The following ODF2L variants were observed in gnomAD, a reference collection of about 807,000 sequenced individuals.
ODF2L encodes the protein protein BCAP.
In ODF2L, 76 loss-of-function variants were observed where a neutral mutation model predicts 86.3. The observed-to-expected ratio is 0.88, with a 90% confidence interval of 0.73 to 1.07. The LOEUF (loss-of-function observed/expected upper bound fraction) is 1.07, where lower values mean the gene tolerates loss of function less well. ODF2L is among the 50% of genes least tolerant of loss of function. ODF2L has a pLI of 0.00. For missense variants in ODF2L, 748 were observed against 717.4 expected (o/e 1.04, Z -0.49); for synonymous variants, 241 against 231.3 (o/e 1.04, Z -0.38).
At chr1:86,355,248 C>G (rs1041295815) in intron 14 of ODF2L, 1 of 789,718 alleles carries the variant, frequency 1.3e-6, no homozygotes, top group African/African-American at 1.8e-5. Context: ...CCTAAAAATA[C>G]TGATTAATAA....
intron 8 of ODF2L, among the ~76,000 whole-genome samples, chr1:86,373,189 A>AG (rs1659927389): frequency 6.6e-6 from 1 of 152,200 alleles, no homozygotes; most frequent in Non-Finnish European, 1.5e-5. Context: ...TATTTCATAT[A>AG]CACATAGTGG....
intron 11 of ODF2L, among the ~76,000 whole-genome samples, chr1:86,364,273 AAT>A (rs1255717166): frequency 6.6e-6 from 1 of 152,210 alleles, no homozygotes; most frequent in African/African-American, 2.4e-5. Context: ...TCATTCAATA[AAT>A]ATTCATTGAG....
chr1:86,388,538 T>G (rs765099026), intron 1 of ODF2L, among the ~76,000 whole-genome samples: 1 of 152,074 alleles, frequency 6.6e-6, no homozygotes, highest in Non-Finnish European at 1.5e-5. Flanking sequence ...CATTAAGGCT[T>G]AGAGCTTTTA....
intron 1 of ODF2L, among the ~76,000 whole-genome samples, chr1:86,388,842 A>G (rs1661125972): frequency 6.6e-6 from 1 of 152,256 alleles, no homozygotes; most frequent in Middle Eastern, 3.4e-3. Flanking sequence ...GTAAACAAAT[A>G]AATAAAATCA....
At chr1:86,389,905 CA>C (rs1252119241) in intron 1 of ODF2L, among the ~76,000 whole-genome samples, 2 of 151,908 alleles carry the variant, frequency 1.3e-5, no homozygotes, top group Non-Finnish European at 2.9e-5. Flanking sequence ...AAATTACCAA[CA>C]AAAAAAGAAG....
At chr1:86,356,522 G>A (rs192480175) in exon 14 of ODF2L, 326 of 1,613,894 alleles carry the variant, frequency 2.0e-4, no homozygotes, top group Non-Finnish European at 2.2e-4. Flanking sequence ...CCTGACACTC[G>A]TGAAGCCTCC....
At chr1:86,360,451 G>C (rs762363718) in exon 12 of ODF2L, 1 of 1,560,206 alleles carries the variant, frequency 6.4e-7, no homozygotes, top group East Asian at 2.3e-5. Context: ...TTCAATAAGG[G>C]TTTTCTGTTT....
At chr1:86,388,455 A>G (rs1002480851) in intron 1 of ODF2L, among the ~76,000 whole-genome samples, 1 of 152,078 alleles carries the variant, frequency 6.6e-6, no homozygotes, top group Non-Finnish European at 1.5e-5. Flanking sequence ...ATCTCAAGAA[A>G]GAATGTCTTT....
rs1458997282 is a variant in ODF2L, at chr1:86,383,179, G to A, written c.390C>T (p.Ser130=). The A allele has an allele frequency of 2.6e-6, 4 of 1,566,116 alleles. No individual in the cohort carries two copies. The Admixed American group carries it at 5.5e-5, about 22-fold the overall frequency. Residue 130 remains serine, a synonymous_variant, in exon 5 of 18, where the codon TCC becomes TCT. Transcript: ENST00000317336. ...CAGTTAGATTTTCTAGCAACATGCT[G>A]GATAAATTGTCTCCTGTCTGAGAAA...
intron 12 of ODF2L, among the ~76,000 whole-genome samples, chr1:86,359,345 G>A (rs1658838046): frequency 6.6e-6 from 1 of 151,816 alleles, no homozygotes; most frequent in Non-Finnish European, 1.5e-5. Context: ...GGAAGACCCT[G>A]ATGAATAACA....
chr1:86,352,809 G>T, intron 17 of ODF2L, 50 bp downstream of exon 16: 1 of 1,136,242 alleles, frequency 8.8e-7, no homozygotes, highest in Non-Finnish European at 1.3e-6. Flanking sequence ...TACATGGTAA[G>T]AATGTTAAAT....
chr1:86,386,997 A>C (rs1661001955), exon 2 of ODF2L: 1 of 1,581,312 alleles, frequency 6.3e-7, no homozygotes, highest in African/African-American at 1.4e-5. Flanking sequence ...AGTTCTTCTG[A>C]ATGACTTCCA....
At chr1:86,353,844 G>A (rs1658332040) in intron 16 of ODF2L, among the ~76,000 whole-genome samples, 1 of 152,186 alleles carries the variant, frequency 6.6e-6, no homozygotes, top group African/African-American at 2.4e-5. Context: ...ATGGTAACAG[G>A]GCAGTGATGG....
At chr1:86,353,804 G>A (rs774261970) in intron 16 of ODF2L, among the ~76,000 whole-genome samples, 3 of 152,172 alleles carry the variant, frequency 2.0e-5, no homozygotes, top group Non-Finnish European at 4.4e-5. Context: ...AAACATTGAC[G>A]CCCTTGGCGC....
chr1:86,394,557 A>G (rs1037345834), intron 1 of ODF2L, among the ~76,000 whole-genome samples: 23 of 152,218 alleles, frequency 1.5e-4, no homozygotes, highest in African/African-American at 5.3e-4. Flanking sequence ...TGTTCTGGAC[A>G]AGGAAATGAG....
intron 8 of ODF2L, among the ~76,000 whole-genome samples, chr1:86,373,541 T>A (rs943504890): frequency 2.0e-5 from 3 of 150,138 alleles, no homozygotes; most frequent in Non-Finnish European, 4.4e-5. Flanking sequence ...CTACTCTATA[T>A]ATATGGTGTA....
chr1:86,370,825 A>G (rs1384600428), intron 10 of ODF2L, among the ~76,000 whole-genome samples, 193 bp downstream of exon 10: 4 of 152,192 alleles, frequency 2.6e-5, no homozygotes, highest in African/African-American at 9.6e-5. Flanking sequence ...TTTATTTTAA[A>G]AGTTGAGGCA....
chr1:86,361,581 TCA>T (rs1659039175), intron 11 of ODF2L, among the ~76,000 whole-genome samples: 1 of 152,182 alleles, frequency 6.6e-6, no homozygotes, highest in African/African-American at 2.4e-5. Context: ...CTCCAAAATT[TCA>T]CAGCTTTCCA....
chr1:86,372,361 ACAACT>A (rs1659852892), intron 9 of ODF2L, 65 bp downstream of exon 9: 1 of 691,202 alleles, frequency 1.4e-6, no homozygotes, highest in East Asian at 3.3e-5. Context: ...CAAAATACAA[ACAACT>A]CAAAGAATTT....
Sources: gnomAD v4.1 joint callset for allele counts (sites outside exome capture counted in the v4.1 genomes callset) on GRCh38, gnomAD v4.1.1 for gene constraint, MANE v1.5 for transcripts, NCBI Gene and HGNC (gene_info 2026-07-23, HGNC 2026-07-21) for gene names.